Variants in DDX19B observed in about 807,000 individuals in gnomAD.
The protein encoded by DDX19B is ATP-dependent RNA helicase DDX19B.
A neutral mutation model predicts 58.1 loss-of-function variants in DDX19B; 27 were observed. The ratio of observed to expected loss-of-function variants is 0.46; its 90% confidence interval spans 0.34 to 0.64. The LOEUF is 0.64. Ranked by LOEUF, DDX19B falls within the 30% of genes least tolerant of loss-of-function variation. DDX19B has a pLI of 0.01. For synonymous variants in DDX19B, 187 were observed against 214.4 expected (o/e 0.87, Z 1.12); for missense variants, 399 against 596.5 (o/e 0.67, Z 3.45).
intron 1 of DDX19B, among the ~76,000 whole-genome samples, chr16:70,304,780 A>G (rs1172244886): frequency 7.6e-6 from 1 of 132,342 alleles, no homozygotes; most frequent in African/African-American, 2.8e-5. Context: ...TTCTTTCTAT[A>G]TTTCCTGGGA....
upstream of DDX19B, among the ~76,000 whole-genome samples, chr16:70,290,626 G>C (rs113403017): frequency 3.9e-5 from 6 of 152,344 alleles, no homozygotes; most frequent in African/African-American, 1.4e-4. Context: ...TTGAGCCTAG[G>C]AAGTTGAGGC....
Position 70,331,791 on chromosome 16 carries a change from G to A in DDX19B, c.1093G>A (p.Gly365Arg). The stretch of plus-strand genomic sequence containing the variant: ...AGGCCACCAGGTGGCTCTGCTGAGT[G>A]GGGAGATGATGGTGGAACAGAGGGC... ...KEGHQVALLS[G>R]EMMVEQRAAV... The change falls in exon 10 of 12, where the codon GGG (glycine) becomes AGG (arginine). Residue 365 changes from glycine (G) to arginine (R), a missense_variant. Transcript: ENST00000288071. The A allele has an allele frequency of 1.9e-6, 3 of 1,614,220 alleles. No individual in the cohort carries two copies. Among genetic ancestry groups the A allele is most frequent in the Non-Finnish European group, 2.5e-6 (3 of 1,180,032 alleles).
intron 5 of DDX19B, among the ~76,000 whole-genome samples, chr16:70,318,318 G>C (rs1162028884): frequency 6.6e-6 from 1 of 151,668 alleles, no homozygotes; most frequent in Non-Finnish European, 1.5e-5. Context: ...AGGCTACAGG[G>C]AGCTGAGATC....
Position 70,333,795 on chromosome 16 carries a change from T to C in DDX19B, c.*213T>C. The C allele has an allele frequency of 1.5e-6, 1 of 672,422 alleles. No homozygotes were observed. Among genetic ancestry groups the C allele is most frequent in the South Asian group, 1.9e-5 (1 of 51,902 alleles). The allele number at this position is 672,422 out of a possible 1,614,324, so 41.7% of individuals were successfully genotyped here. A position where few individuals can be genotyped will look rare whatever the true frequency, so the allele number is the denominator to read the frequency against. ...AATTATTTACACAACCTTGGAAGAT[T>C]AGGCATGAATACACAGAGATTTACC... On this transcript the variant is annotated 3_prime_UTR_variant, in exon 12 of 12. Coordinates refer to ENST00000288071, the MANE Select transcript of DDX19B (RefSeq NM_007242.7).
intron 5 of DDX19B, 84 bp downstream of exon 5, chr16:70,317,672 C>T: frequency 2.4e-6 from 3 of 1,258,386 alleles, no homozygotes; most frequent in Non-Finnish European, 3.3e-6. Context: ...AGCAAGGTGG[C>T]TTATGCCTAT....
chr16:70,294,681 G>A (rs1431847708), upstream of DDX19B: 1 of 483,286 alleles, frequency 2.1e-6, no homozygotes, highest in Non-Finnish European at 3.6e-6. Flanking sequence ...CGGGAGGCTT[G>A]CGCTTGTCTT....
At chr16:70,331,287 A>T (rs910371596) in intron 9 of DDX19B, among the ~76,000 whole-genome samples, 3 of 151,990 alleles carry the variant, frequency 2.0e-5, no homozygotes, top group African/African-American at 4.8e-5. Flanking sequence ...GCCTCAAGCA[A>T]TCTTCCAGCC....
At chr16:70,305,554 A>C (rs1341515277) in intron 1 of DDX19B, among the ~76,000 whole-genome samples, 1 of 152,202 alleles carries the variant, frequency 6.6e-6, no homozygotes, top group African/African-American at 2.4e-5. Context: ...ATTGTAAAGC[A>C]AATAAAAAAG....
chr16:70,308,279 A>G (rs1168845817), intron 1 of DDX19B, among the ~76,000 whole-genome samples: 2 of 150,506 alleles, frequency 1.3e-5, no homozygotes, highest in Admixed American at 6.7e-5. Context: ...TTTAAGACAG[A>G]GTCTCACTCT....
At chr16:70,291,305 G>A (rs1412482650), upstream of DDX19B, among the ~76,000 whole-genome samples, 3 of 152,136 alleles carry the variant, frequency 2.0e-5, no homozygotes, top group African/African-American at 7.2e-5. Context: ...CTGATCCACA[G>A]TGCCCTAAAT....
rs1962148153 is a variant in DDX19B at position 70,312,591 on chromosome 16, C to T, written c.58-18C>T. 6.2e-7 allele frequency: 1 copy of T among 1,611,476 alleles called. No individual in the cohort carries two copies. The highest frequency in any genetic ancestry group is 1.7e-5 in the Admixed American group (1 of 59,856). On this transcript the variant is annotated intron_variant, in intron 1 of 11. Coordinates refer to ENST00000288071, the MANE Select transcript of DDX19B (RefSeq NM_007242.7). ...GCTTTTCCTGACACTTTCCCCCTCC[C>T]CCATATTCTCCATTTAGTTGAGCAA...
intron 3 of DDX19B, chr16:70,315,692 G>A: frequency 3.4e-6 from 1 of 296,956 alleles, no homozygotes; most frequent in Non-Finnish European, 6.2e-6. Flanking sequence ...AAATTGGGGA[G>A]TAAATATGTG....
At chr16:70,317,641 CTA>C in intron 5 of DDX19B, 53 bp downstream of exon 5, 1 of 1,521,444 alleles carries the variant, frequency 6.6e-7, no homozygotes, top group South Asian at 1.1e-5. Context: ...TTTTTGAAAA[CTA>C]TTATTATTTT....
At chr16:70,307,938 TTATG>T (rs537881612) in intron 1 of DDX19B, among the ~76,000 whole-genome samples, 121 of 150,638 alleles carry the variant, frequency 8.0e-4, no homozygotes, top group African/African-American at 2.9e-3. Flanking sequence ...TATTATTTAT[TTATG>T]TATTTATTTT....
At chr16:70,327,300 C>T (rs1390895928) in intron 7 of DDX19B, among the ~76,000 whole-genome samples, 1 of 151,352 alleles carries the variant, frequency 6.6e-6, no homozygotes, top group Non-Finnish European at 1.5e-5. Context: ...TTTAGCAGGC[C>T]GAGGTGGGTG....
At chr16:70,294,034 T>C (rs1961129433), upstream of DDX19B, among the ~76,000 whole-genome samples, 1 of 151,482 alleles carries the variant, frequency 6.6e-6, no homozygotes, top group South Asian at 2.1e-4. Flanking sequence ...AAAATATTGC[T>C]AAATTGAATA....
At chr16:70,312,783 A>G (rs966895540) in intron 2 of DDX19B, 126 bp downstream of exon 2, 3 of 687,710 alleles carry the variant, frequency 4.4e-6, no homozygotes, top group Non-Finnish European at 7.4e-6. Context: ...TACTGGTACC[A>G]TTTGATTTGT....
chr16:70,321,023 C>T (rs1285206812), intron 5 of DDX19B, among the ~76,000 whole-genome samples: 2 of 143,704 alleles, frequency 1.4e-5, no homozygotes, highest in African/African-American at 5.2e-5. Flanking sequence ...AGTGCAATGG[C>T]GCGATCTCGG....
chr16:70,293,951 T>G (rs1213370723), upstream of DDX19B, among the ~76,000 whole-genome samples: 1 of 152,002 alleles, frequency 6.6e-6, no homozygotes. Flanking sequence ...ATATTTCAAT[T>G]GAGCATATTA....
Sources: allele counts gnomAD v4.1 joint callset (sites outside exome capture counted in the v4.1 genomes callset), GRCh38; gene constraint gnomAD v4.1.1; transcripts MANE v1.5; gene names NCBI Gene and HGNC (gene_info 2026-07-23, HGNC 2026-07-21).